Variants in CLIP1 observed in about 807,000 individuals in gnomAD.
The protein encoded by CLIP1 is CAP-Gly domain containing linker protein 1, also known as CAP-Gly domain-containing linker protein 1.
A neutral mutation model predicts 161.6 loss-of-function variants in CLIP1; 66 were observed. The ratio of observed to expected loss-of-function variants is 0.41; its 90% confidence interval spans 0.33 to 0.50. CLIP1 has a LOEUF of 0.50. CLIP1 is among the 20% of genes least tolerant of loss of function. CLIP1 has a pLI of 0.27. For synonymous variants in CLIP1, 598 were observed against 626.2 expected, an observed-to-expected ratio of 0.96 and a Z score of 0.67; for missense variants, 1,376 against 1,702.0, an observed-to-expected ratio of 0.81 and a Z score of 3.37.
chr12:122,347,018 A>G (rs1952783657), intron 10 of CLIP1, among the ~76,000 whole-genome samples: 1 of 152,234 alleles, frequency 6.6e-6, no homozygotes, highest in African/African-American at 2.4e-5. Flanking sequence ...TAGTAACTAG[A>G]TATTTGAGAA....
chr12:122,302,678 A>G (rs916227201), intron 20 of CLIP1, among the ~76,000 whole-genome samples: 1 of 151,240 alleles, frequency 6.6e-6, no homozygotes, highest in African/African-American at 2.4e-5. Flanking sequence ...GCTCACTGCA[A>G]CCTCCACCTC....
At chr12:122,364,241 C>G in intron 3 of CLIP1, 134 bp from the exon 4 acceptor site, 2 of 1,046,946 alleles carry the variant, frequency 1.9e-6, no homozygotes, top group South Asian at 1.6e-5. Context: ...TTCTCTTTGA[C>G]TCTAAGAGTT....
intron 9 of CLIP1, 148 bp downstream of exon 9, chr12:122,350,963 C>T: frequency 3.8e-6 from 2 of 523,354 alleles, no homozygotes; most frequent in Non-Finnish European, 6.6e-6. Flanking sequence ...AATGTAATTG[C>T]TTTGAAAGCC....
chr12:122,335,052 C>A (rs1372976196), intron 12 of CLIP1, among the ~76,000 whole-genome samples: 1 of 152,174 alleles, frequency 6.6e-6, no homozygotes, highest in African/African-American at 2.4e-5. Context: ...AAACAGCAGA[C>A]CTTCTCTTCA....
At chr12:122,298,935 C>T (rs908086729) in intron 20 of CLIP1, among the ~76,000 whole-genome samples, 1 of 152,156 alleles carries the variant, frequency 6.6e-6, no homozygotes, top group Non-Finnish European at 1.5e-5. Context: ...AGCCTGGCAA[C>T]AGGGTGAGAC....
intron 10 of CLIP1, chr12:122,343,560 T>TCCCCAAAC (rs111380179): frequency 6.6e-6 from 1 of 152,202 alleles, no homozygotes; most frequent in African/African-American, 2.4e-5. Context: ...AACATCTTCT[T>TCCCCAAAC]CCCCTAACCC....
chr12:122,406,388 A>G (rs1440293447), intron 1 of CLIP1, among the ~76,000 whole-genome samples: 1 of 152,246 alleles, frequency 6.6e-6, no homozygotes, highest in Non-Finnish European at 1.5e-5. Context: ...TGAAAAGCCC[A>G]TTCAGACACT....
chr12:122,274,468 A>T (rs532859841), intron 24 of CLIP1: 10 of 177,674 alleles, frequency 5.6e-5, no homozygotes, highest in East Asian at 2.8e-4. Context: ...TTTATATTTT[A>T]AAAAAAAATT....
chr12:122,400,676 T>A (rs182947585), intron 1 of CLIP1: 1 of 152,332 alleles, frequency 6.6e-6, no homozygotes, highest in Admixed American at 6.5e-5. Flanking sequence ...TGTTTGCATA[T>A]CATGCTATGA....
At chr12:122,340,635 T>A in intron 11 of CLIP1, 118 bp downstream of exon 11, 1 of 774,226 alleles carries the variant, frequency 1.3e-6, no homozygotes, top group African/African-American at 1.7e-5. Context: ...ACTGGGGACA[T>A]CAAGCAATTT....
At chr12:122,381,643 T>C (rs935466645) in intron 1 of CLIP1, among the ~76,000 whole-genome samples, 51 of 152,334 alleles carry the variant, frequency 3.3e-4, no homozygotes, top group Admixed American at 2.7e-3. Flanking sequence ...GTTCTGCATT[T>C]TTCTCTGCGA....
intron 15 of CLIP1, among the ~76,000 whole-genome samples, chr12:122,331,079 A>C (rs751112610): frequency 1.1e-4 from 16 of 151,218 alleles, no homozygotes; most frequent in Non-Finnish European, 8.8e-5. Context: ...CAATGGCACT[A>C]TCTCAGCTCA....
intron 20 of CLIP1, among the ~76,000 whole-genome samples, chr12:122,292,023 G>A (rs945491418): frequency 1.3e-5 from 2 of 151,930 alleles, no homozygotes; most frequent in Non-Finnish European, 1.5e-5. Context: ...ACAGAGTCTC[G>A]CTCTGTCACC....
In CLIP1 at chr12:122,334,760, A is replaced by G. The variant is rs932402413; in HGVS notation, c.2569-55T>C. On this transcript the variant is annotated intron_variant, in intron 12 of 25. Transcript: ENST00000620786. The stretch of plus-strand genomic sequence containing the variant: ...AGAAAGATTTCAAATTGTAAAGACA[A>G]GAAGTTTCTATCAATTATAACTACG... 8.0e-6 allele frequency: 9 copies of G among 1,130,010 alleles called. No individual in the cohort carries two copies. In the Admixed American group the frequency reaches 1.8e-4, roughly 23 times the overall value. 70.0% of individuals were successfully genotyped at this position (1,130,010 alleles called of 1,614,324 possible).
chr12:122,408,219 T>C (rs1007146624), intron 1 of CLIP1, among the ~76,000 whole-genome samples: 1 of 142,326 alleles, frequency 7.0e-6, no homozygotes, highest in African/African-American at 2.6e-5. Flanking sequence ...ATAAGAATGA[T>C]ACTCCGTCTC....
intron 19 of CLIP1, among the ~76,000 whole-genome samples, chr12:122,312,018 A>C (rs1593038393): frequency 6.6e-6 from 1 of 152,200 alleles, no homozygotes; most frequent in Non-Finnish European, 1.5e-5. Flanking sequence ...CAAATTCTGG[A>C]AATACTCAAG....
intron 19 of CLIP1, among the ~76,000 whole-genome samples, chr12:122,312,323 T>C (rs1337538107): frequency 6.6e-6 from 1 of 152,208 alleles, no homozygotes; most frequent in Non-Finnish European, 1.5e-5. Context: ...CATTGTTATC[T>C]ACAACTGAAA....
chr12:122,357,551 GGA>G, intron 5 of CLIP1, among the ~76,000 whole-genome samples: 1 of 111,086 alleles, frequency 9.0e-6, no homozygotes, highest in South Asian at 3.3e-4. Flanking sequence ...CGTCCGGGAG[GGA>G]GGTGGGGGGG....
Position 122,351,138 on chromosome 12 carries a change from CT to C in CLIP1, c.1373del (p.Lys458ArgfsTer41). On this transcript the variant is annotated frameshift_variant, in exon 9 of 26. Transcript: ENST00000620786. LOFTEE classifies it high-confidence loss of function. ...TCTCAGGATCTTCAGAAATCTGGCT[CT>C]TTTGCTATCAGTAAAAAAATAAAAA... ...ESITKGDLEQ[K>X]SQISEDPENT... is the part of the protein sequence containing the mutation. 6.7e-7 allele frequency: 1 copy of C among 1,501,690 alleles called. No individual in the cohort carries two copies. Among genetic ancestry groups the C allele is most frequent in the Non-Finnish European group, 8.8e-7 (1 of 1,133,868 alleles). 93.0% of individuals were successfully genotyped at this position (1,501,690 alleles called of 1,614,324 possible).
Sources: allele counts gnomAD v4.1 joint callset (sites outside exome capture counted in the v4.1 genomes callset), GRCh38; gene constraint gnomAD v4.1.1; transcripts MANE v1.5; gene names NCBI Gene and HGNC (gene_info 2026-07-23, HGNC 2026-07-21).